Variants in IL1RAPL2 observed in about 807,000 individuals in gnomAD.
The protein encoded by IL1RAPL2 is interleukin 1 receptor accessory protein like 2.
IL1RAPL2 carries 3 observed loss-of-function variants against 44.1 expected under a neutral mutation model. The observed-to-expected ratio is 0.07, with a 90% CI of 0.03 to 0.18. The LOEUF (loss-of-function observed/expected upper bound fraction) is 0.18. Among genes scored for constraint, IL1RAPL2 ranks in the 10% least tolerant of loss-of-function variants. The pLI is 1.00. For synonymous variants in IL1RAPL2, 181 were observed against 178.8 expected, an observed-to-expected ratio of 1.01 and a Z score of -0.10; for missense variants, 391 against 496.4, an observed-to-expected ratio of 0.79 and a Z score of 2.02.
intron 6 of IL1RAPL2, among the ~76,000 whole-genome samples, chrX:105,546,017 A>G (rs1339070319): frequency 9.0e-6 from 1 of 111,294 alleles, no homozygotes; most frequent in African/African-American, 3.3e-5. Flanking sequence ...GATCACTTCC[A>G]CTGACAACAC....
chrX:104,849,965 C>T (rs1009903430), intron 2 of IL1RAPL2, among the ~76,000 whole-genome samples: 3 of 110,388 alleles, frequency 2.7e-5, no homozygotes, highest in Non-Finnish European at 5.7e-5. Context: ...GTAAATATAC[C>T]TAGACATGTG....
At chrX:104,810,092 T>G (rs952609495) in intron 2 of IL1RAPL2, among the ~76,000 whole-genome samples, 2 of 110,135 alleles carry the variant, frequency 1.8e-5, no homozygotes, top group African/African-American at 3.3e-5. Flanking sequence ...CCATAAAAAA[T>G]GATGAGTTCA....
At chrX:104,585,264 TA>T (rs1569487916) in intron 1 of IL1RAPL2, among the ~76,000 whole-genome samples, 427 of 24,640 alleles carry the variant, frequency 0.017, 38 homozygotes, top group African/African-American at 0.1. Context: ...AATATATATA[TA>T]ATATATTATA....
At chrX:104,620,639 CAAAAAAAA>C (rs771769782) in intron 1 of IL1RAPL2, among the ~76,000 whole-genome samples, 9 of 14,591 alleles carry the variant, frequency 6.2e-4, no homozygotes, top group South Asian at 0.016. Flanking sequence ...GAGTCTGTCT[CAAAAAAAA>C]AAAAAAAAAA....
At chrX:105,535,083 G>C (rs1338350858) in intron 6 of IL1RAPL2, among the ~76,000 whole-genome samples, 1 of 111,492 alleles carries the variant, frequency 9.0e-6, no homozygotes, top group Non-Finnish European at 1.9e-5. Context: ...AAAAGGACAG[G>C]CTATAAACTG....
chrX:104,717,455 A>G (rs1931591757), intron 2 of IL1RAPL2, among the ~76,000 whole-genome samples: 1 of 109,008 alleles, frequency 9.2e-6, no homozygotes, highest in Non-Finnish European at 1.9e-5. Flanking sequence ...TAAAAAAAAA[A>G]AAAAAAAAGA....
chrX:104,807,821 T>C (rs1932933822), intron 2 of IL1RAPL2, among the ~76,000 whole-genome samples: 1 of 111,832 alleles, frequency 8.9e-6, no homozygotes. Flanking sequence ...AGCAACTATG[T>C]AATATAAATG....
intron 2 of IL1RAPL2, among the ~76,000 whole-genome samples, chrX:104,928,390 T>C (rs770194934): frequency 2.3e-4 from 26 of 111,310 alleles, no homozygotes; most frequent in Non-Finnish European, 4.1e-4. Flanking sequence ...TTAGTCTGCA[T>C]TGAGAATGTG....
At chrX:104,784,300 C>T (rs1602725931) in intron 2 of IL1RAPL2, among the ~76,000 whole-genome samples, 1 of 111,817 alleles carries the variant, frequency 8.9e-6, no homozygotes, top group African/African-American at 3.3e-5. Context: ...GAGTTTGTCT[C>T]TGGAGAGATG....
At chrX:105,688,212 T>C (rs1228268938) in intron 6 of IL1RAPL2, among the ~76,000 whole-genome samples, 1 of 111,739 alleles carries the variant, frequency 8.9e-6, no homozygotes, top group African/African-American at 3.3e-5. Flanking sequence ...GTGTTGGAAG[T>C]TCTGGCAAGG....
chrX:105,351,311 A>C (rs1382353288), intron 5 of IL1RAPL2, among the ~76,000 whole-genome samples: 9 of 111,773 alleles, frequency 8.1e-5, no homozygotes, highest in African/African-American at 2.9e-4. Context: ...AAATCATTCT[A>C]CTATAAAGAC....
intron 2 of IL1RAPL2, among the ~76,000 whole-genome samples, chrX:104,972,949 TC>T (rs1197259612): frequency 8.9e-6 from 1 of 112,066 alleles, no homozygotes; most frequent in African/African-American, 3.2e-5. Flanking sequence ...TGCCTGTGAC[TC>T]ATAAGAAACA....
intron 2 of IL1RAPL2, among the ~76,000 whole-genome samples, chrX:105,058,114 AT>A (rs752240935): frequency 0.067 from 7,025 of 104,297 alleles, 654 homozygotes; most frequent in African/African-American, 0.23. Context: ...ACGCCCGGCT[AT>A]TTTTTTTTTG....
intron 2 of IL1RAPL2, among the ~76,000 whole-genome samples, chrX:104,956,204 C>T (rs1159274873): frequency 8.9e-6 from 1 of 112,022 alleles, no homozygotes; most frequent in Non-Finnish European, 1.9e-5. Flanking sequence ...AGATAAAGGG[C>T]ATCCCTGGAA....
At chrX:105,122,985 CTT>C (rs1162353804) in intron 2 of IL1RAPL2, among the ~76,000 whole-genome samples, 1 of 111,519 alleles carries the variant, frequency 9.0e-6, no homozygotes, top group African/African-American at 3.3e-5. Context: ...AAATTGTAAA[CTT>C]TATACCCAAG....
chrX:105,048,854 C>A (rs1239065801), intron 2 of IL1RAPL2, among the ~76,000 whole-genome samples: 1 of 112,217 alleles, frequency 8.9e-6, no homozygotes, highest in Non-Finnish European at 1.9e-5. Context: ...CCCATTTCCA[C>A]TTCTCAATAA....
rs752046001 is a variant in IL1RAPL2, at chrX:104,685,943, T to A, written c.82+26948T>A. ...ACTCTGTCTCAAAATAAATAAATAA[T>A]AAATAAATAAATAAATAAATAATAA... On this transcript the variant is annotated intron_variant, in intron 2 of 10. Coordinates refer to ENST00000372582, the MANE Select transcript of IL1RAPL2 (RefSeq NM_017416.2). Among the ~76,000 whole-genome samples, 169 of 106,693 alleles carry A rather than the reference T, an allele frequency of 1.6e-3. 1 individual carries two copies. The highest frequency in any genetic ancestry group is 5.4e-3 in the African/African-American group (158 of 29,405). The allele number at this position is 106,693 out of a possible 115,157, so 92.7% of individuals were successfully genotyped here. A position where few individuals can be genotyped will look rare whatever the true frequency, so the allele number is the denominator to read the frequency against.
chrX:104,918,469 G>A (rs1006142730), intron 2 of IL1RAPL2, among the ~76,000 whole-genome samples: 3 of 111,710 alleles, frequency 2.7e-5, no homozygotes, highest in Non-Finnish European at 5.6e-5. Context: ...TGGTTATGAT[G>A]GACCAATGGG....
rs775436800 is a variant in IL1RAPL2 at position 104,666,096 on chromosome X, A to AGTGT, written c.82+7122_82+7125dup. Among the ~76,000 whole-genome samples the AGTGT allele has an allele frequency of 1.9e-3, 202 of 106,197 alleles. 1 individual carries two copies. The highest frequency in any genetic ancestry group is 6.6e-3 in the African/African-American group (190 of 28,952). The allele number at this position is 106,197 out of a possible 115,157, so 92.2% of individuals were successfully genotyped here. On this transcript the variant is annotated intron_variant, in intron 2 of 10. Transcript: ENST00000372582. Reference sequence around the variant, plus strand: ...TTCTTTGGATTCAAATAACCTTAAAAGTGTGTGTGTGTGTGTGTGTGTGTC... The same window carrying AGTGT: ...TTCTTTGGATTCAAATAACCTTAAAAGTGTGTGTGTGTGTGTGTGTGTGTGTGTC...
Sources: allele counts gnomAD v4.1 joint callset (sites outside exome capture counted in the v4.1 genomes callset), GRCh38; gene constraint gnomAD v4.1.1; transcripts MANE v1.5; gene names NCBI Gene and HGNC (gene_info 2026-07-23, HGNC 2026-07-21).